The following PTPN13 variants were observed in gnomAD, a reference collection of about 807,000 sequenced individuals.
PTPN13 encodes protein tyrosine phosphatase non-receptor type 13, also known as tyrosine-protein phosphatase non-receptor type 13.
A neutral mutation model predicts 284.0 loss-of-function variants in PTPN13; 191 were observed. That is an observed-to-expected ratio of 0.67 (90% confidence interval 0.60 to 0.76). The LOEUF (loss-of-function observed/expected upper bound fraction) is 0.76, where lower values mean the gene tolerates loss of function less well. Ranked by LOEUF, PTPN13 falls within the 30% of genes least tolerant of loss-of-function variation. The pLI is 0.00. For missense variants in PTPN13, 2,797 were observed against 2,939.9 expected (o/e 0.95, Z 1.12); for synonymous variants, 986 against 1,022.3 (o/e 0.96, Z 0.68).
intron 2 of PTPN13, among the ~76,000 whole-genome samples, chr4:86,665,279 A>G (rs775902163): frequency 6.6e-6 from 1 of 152,168 alleles, no homozygotes; most frequent in Non-Finnish European, 1.5e-5. Context: ...AGAAATAAAA[A>G]TATCTTTTAT....
At chr4:86,645,051 A>G (rs1004950998) in intron 2 of PTPN13, among the ~76,000 whole-genome samples, 1 of 152,114 alleles carries the variant, frequency 6.6e-6, no homozygotes, top group Admixed American at 6.5e-5. Context: ...TCTACAAAAA[A>G]TACAAAAATT....
At chr4:86,705,981 T>C (rs1313064024) in intron 7 of PTPN13, among the ~76,000 whole-genome samples, 1 of 152,128 alleles carries the variant, frequency 6.6e-6, no homozygotes, top group East Asian at 1.9e-4. Flanking sequence ...TAATATAGCT[T>C]TTTCCTTAAC....
Position 86,734,452 on chromosome 4 carries a change from A to G in PTPN13, c.2008A>G (p.Ile670Val). The change falls in exon 13 of 48, where the codon ATA becomes GTA. Residue 670 changes from isoleucine to valine, a missense_variant. Physicochemically the swap from Ile to Val is conservative, Grantham distance 29 (BLOSUM62 3). Coordinates refer to ENST00000411767, the MANE Select transcript of PTPN13 (RefSeq NM_080683.3). ...ATTTTTTATGGATGATGTTAGTCTA[A>G]TACAGTGAGTACACAAGAGTTTCTC... ...IKFFMDDVSLIQHTLTCHQYY... is the reference protein window; with the variant it reads ...IKFFMDDVSLVQHTLTCHQYY... The G allele has an allele frequency of 6.4e-7, 1 of 1,550,696 alleles. No individual in the cohort carries two copies. Among genetic ancestry groups the G allele is most frequent in the Non-Finnish European group, 8.7e-7 (1 of 1,146,664 alleles).
Position 86,659,222 on chromosome 4 carries a change from A to G in PTPN13, c.116-13143A>G, listed in dbSNP as rs113919985. Among the ~76,000 whole-genome samples the G allele has an allele frequency of 2.8e-3, 422 of 152,250 alleles. 4 individuals are homozygous for G. Among genetic ancestry groups the G allele is most frequent in the African/African-American group, 9.6e-3 (401 of 41,562 alleles). On this transcript the variant is annotated intron_variant, in intron 2 of 47. Transcript: ENST00000411767. ...TGATTTCTGTATTTTATTTAATCCAATATACTAAAAATATCATTTTCATAT... is the reference window on the plus strand; with the variant it reads ...TGATTTCTGTATTTTATTTAATCCAGTATACTAAAAATATCATTTTCATAT...
chr4:86,769,835 A>G lies in PTPN13; in HGVS notation c.4556A>G (p.Asp1519Gly), dbSNP rs1739774241. The change falls in exon 29 of 48, where the codon GAT (aspartate) becomes GGT (glycine). Residue 1519 changes from aspartate (D) to glycine (G), a missense_variant. Physicochemically the swap from Asp to Gly is moderately conservative, Grantham distance 94 (BLOSUM62 -1). Transcript: ENST00000411767. Reference sequence around the variant, plus strand: ...CTAGGATTCAGTTTTTCTCGAGAAGATAATCTTATACCGGAGCAAATTAAT... The same window carrying G: ...CTAGGATTCAGTTTTTCTCGAGAAGGTAATCTTATACCGGAGCAAATTAAT... Reference protein sequence around the residue: ...SGLGFSFSREDNLIPEQINAS... With the variant: ...SGLGFSFSREGNLIPEQINAS... The G allele has an allele frequency of 6.2e-7, 1 of 1,613,580 alleles. No individual in the cohort carries two copies. The highest frequency in any genetic ancestry group is 1.3e-5 in the African/African-American group (1 of 74,916).
In PTPN13 at chr4:86,769,785, A is replaced by T; in HGVS notation, c.4506A>T (p.Val1502=). ...SFVTEENTFE[V]KLFKNSSGLG... is the part of the protein sequence containing the mutation. The stretch of plus-strand genomic sequence containing the variant: ...TTTCTCCAGAAAATACATTTGAGGT[A>T]AAATTATTTAAAAATAGCTCAGGTC... The change falls in exon 29 of 48, where the codon GTA becomes GTT. Residue 1502 remains valine, a synonymous_variant. Transcript: ENST00000411767. The T allele has an allele frequency of 6.3e-7, 1 of 1,594,544 alleles. No homozygotes were observed. The highest frequency in any genetic ancestry group is 8.5e-7 in the Non-Finnish European group (1 of 1,171,518).
At chr4:86,696,555 T>C (rs1730617048) in intron 6 of PTPN13, among the ~76,000 whole-genome samples, 1 of 152,042 alleles carries the variant, frequency 6.6e-6, no homozygotes, top group Non-Finnish European at 1.5e-5. Context: ...TTTGTTTTTA[T>C]AATACTAAGA....
At chr4:86,691,649 AC>A (rs1730037892) in intron 5 of PTPN13, among the ~76,000 whole-genome samples, 2 of 152,318 alleles carry the variant, frequency 1.3e-5, no homozygotes, top group East Asian at 3.9e-4. Flanking sequence ...TAATAGAGAT[AC>A]TTTTATCCTC....
chr4:86,703,235 A>G (rs1731354612), intron 7 of PTPN13, among the ~76,000 whole-genome samples: 1 of 152,168 alleles, frequency 6.6e-6, no homozygotes, highest in Admixed American at 6.5e-5. Context: ...ATAGGAAGTA[A>G]AAATTTAGAA....
intron 9 of PTPN13, among the ~76,000 whole-genome samples, chr4:86,718,912 C>G (rs1015487305): frequency 6.6e-6 from 1 of 151,876 alleles, no homozygotes; most frequent in Non-Finnish European, 1.5e-5. Context: ...TTGTGATGAC[C>G]CCATTTTGAT....
intron 35 of PTPN13, among the ~76,000 whole-genome samples, chr4:86,779,573 A>C (rs985710247): frequency 6.6e-6 from 1 of 152,148 alleles, no homozygotes; most frequent in African/African-American, 2.4e-5. Flanking sequence ...GAGAGAAGTT[A>C]CCACATCCTT....
chr4:86,652,685 T>TC (rs1241100223), intron 2 of PTPN13, among the ~76,000 whole-genome samples: 2 of 152,168 alleles, frequency 1.3e-5, no homozygotes, highest in East Asian at 3.9e-4. Context: ...GCTTTTAGGA[T>TC]CCTTTCTTTA....
Position 86,725,339 on chromosome 4 carries a change from A to G in PTPN13, c.1608+2905A>G, listed in dbSNP as rs567491500. Among the ~76,000 whole-genome samples, 212 of 149,344 alleles carry G rather than the reference A, an allele frequency of 1.4e-3. 16 individuals are homozygous for G. The highest frequency in any genetic ancestry group is 3.9e-3 in the African/African-American group (159 of 41,056). Reference sequence around the variant, plus strand: ...ATCCTTTGGGTATATACCCAGTAATAGGATCGCTGGGTCAAATGGTGTTTC... The same window carrying G: ...ATCCTTTGGGTATATACCCAGTAATGGGATCGCTGGGTCAAATGGTGTTTC... On this transcript the variant is annotated intron_variant, in intron 10 of 47. Coordinates refer to ENST00000411767, the MANE Select transcript of PTPN13 (RefSeq NM_080683.3).
At chr4:86,758,494 C>A (rs960255600) in intron 21 of PTPN13, 145 bp downstream of exon 21, 1 of 893,328 alleles carries the variant, frequency 1.1e-6, no homozygotes, top group Non-Finnish European at 1.7e-6. Context: ...CATCAACCTA[C>A]CCGCCCAGTC....
chr4:86,741,753 C>T lies in PTPN13; in HGVS notation c.2424C>T (p.His808=). 6.2e-7 allele frequency: 1 copy of T among 1,613,068 alleles called. No homozygotes were observed. Among genetic ancestry groups the T allele is most frequent in the Non-Finnish European group, 8.5e-7 (1 of 1,179,432 alleles). Residue 808 remains histidine, a synonymous_variant, in exon 16 of 48, where the codon CAC becomes CAT. Coordinates refer to ENST00000411767, the MANE Select transcript of PTPN13 (RefSeq NM_080683.3). ...CSKGVLVFEV[H]NGVRTLVLRF... ...AAGGTGTCCTTGTGTTTGAAGTTCA[C>T]AATGGAGTGCGCACATTGGTCCTTC...
At chr4:86,637,401 C>T (rs894598695) in intron 2 of PTPN13, among the ~76,000 whole-genome samples, 2 of 151,926 alleles carry the variant, frequency 1.3e-5, no homozygotes, top group Admixed American at 6.6e-5. Flanking sequence ...GACCAATATC[C>T]TTGATGAACA....
At chr4:86,642,551 C>G (rs1437966330) in intron 2 of PTPN13, among the ~76,000 whole-genome samples, 5 of 146,718 alleles carry the variant, frequency 3.4e-5, no homozygotes, top group African/African-American at 7.5e-5. Context: ...CTCCCGGGCT[C>G]AAGCGATTTT....
chr4:86,748,684 A>G (rs1410491378), intron 17 of PTPN13, among the ~76,000 whole-genome samples: 1 of 152,002 alleles, frequency 6.6e-6, no homozygotes, highest in Non-Finnish European at 1.5e-5. Flanking sequence ...TTAATGTAGT[A>G]TCGCTCTGTT....
intron 10 of PTPN13, among the ~76,000 whole-genome samples, chr4:86,729,172 A>C (rs1442502107): frequency 1.3e-5 from 2 of 148,950 alleles, no homozygotes; most frequent in Admixed American, 1.3e-4. Flanking sequence ...ATTGGCCCCC[A>C]CTCTCTTCTG....
Sources: allele counts gnomAD v4.1 joint callset (sites outside exome capture counted in the v4.1 genomes callset), GRCh38; gene constraint gnomAD v4.1.1; transcripts MANE v1.5; gene names NCBI Gene and HGNC (gene_info 2026-07-23, HGNC 2026-07-21).